Variants in RPS6KA2 observed in about 807,000 individuals in gnomAD.
RPS6KA2 encodes ribosomal protein S6 kinase A2.
A neutral mutation model predicts 91.8 loss-of-function variants in RPS6KA2; 42 were observed. That is an observed-to-expected ratio of 0.46 (90% CI 0.36 to 0.59). RPS6KA2 has a LOEUF of 0.59. Among genes scored for constraint, RPS6KA2 ranks in the 20% least tolerant of loss-of-function variants. The pLI, the probability that RPS6KA2 is intolerant of heterozygous loss-of-function variation, is 0.00. For synonymous variants in RPS6KA2, 414 were observed against 393.6 expected, an observed-to-expected ratio of 1.05 and a Z score of -0.61; for missense variants, 798 against 978.5, an observed-to-expected ratio of 0.82 and a Z score of 2.46.
chr6:166,627,020 C>A lies in RPS6KA2; in HGVS notation c.-1G>T. On this transcript the variant is annotated 5_prime_UTR_variant, in exon 1 of 21. Coordinates refer to ENST00000265678, the MANE Select transcript of RPS6KA2 (RefSeq NM_021135.6). Reference sequence around the variant, plus strand: ...CGAACTTCTTCATGCTCAGGTCCATCGCCCCGCGCCCAGCCCGGAGCAGCC... The same window carrying A: ...CGAACTTCTTCATGCTCAGGTCCATAGCCCCGCGCCCAGCCCGGAGCAGCC... 1 of 1,482,822 alleles carries A rather than the reference C, an allele frequency of 6.7e-7. No homozygotes were observed. Among genetic ancestry groups the A allele is most frequent in the Non-Finnish European group, 9.0e-7 (1 of 1,108,562 alleles). The allele number at this position is 1,482,822 out of a possible 1,614,324, so 91.9% of individuals were successfully genotyped here. A position where few individuals can be genotyped will look rare whatever the true frequency, so the allele number is the denominator to read the frequency against.
chr6:166,748,689 T>C (rs1464967548), intron 2 of RPS6KA2, among the ~76,000 whole-genome samples: 3 of 32,012 alleles, frequency 9.4e-5, no homozygotes, highest in Admixed American at 3.5e-4. Context: ...GTCCCCCATT[T>C]CCTCAGGCCC....
chr6:166,636,817 G>A (rs2128548048), intron 2 of RPS6KA2, among the ~76,000 whole-genome samples: 1 of 152,284 alleles, frequency 6.6e-6, no homozygotes, highest in Non-Finnish European at 1.5e-5. Flanking sequence ...CAGGATTTCA[G>A]GATTGATCAT....
rs751220811 is a variant in RPS6KA2 at position 166,726,719 on chromosome 6, C to T, written c.123+131481G>A. Among the ~76,000 whole-genome samples, 4 of 152,216 alleles carry T rather than the reference C, an allele frequency of 2.6e-5. No individual in the cohort carries two copies. The highest frequency in any genetic ancestry group is 5.9e-5 in the Non-Finnish European group (4 of 68,032). The stretch of plus-strand genomic sequence containing the variant: ...AAAGTGACTCTTACAACTTCAGTTG[C>T]GATACCGGTTTCCATAAGCTTCTGT... On this transcript the variant is annotated intron_variant, in intron 2 of 21. Coordinates refer to the RPS6KA2 transcript ENST00000503859. This position sits in a 1 kb window ranked among gnomAD's most constrained non-coding sequence, Gnocchi z 4.4.
intron 1 of RPS6KA2, among the ~76,000 whole-genome samples, chr6:166,568,361 C>T (rs917089103): frequency 6.6e-6 from 1 of 152,266 alleles, no homozygotes; most frequent in African/African-American, 2.4e-5. Context: ...CGCCTATTAT[C>T]CCAGCACTTT....
chr6:166,763,198 C>T (rs943864212), intron 2 of RPS6KA2, among the ~76,000 whole-genome samples: 1 of 152,166 alleles, frequency 6.6e-6, no homozygotes, highest in African/African-American at 2.4e-5. Context: ...ATGGCATTCG[C>T]TTAGCATGGA....
chr6:166,473,800 T>C (rs1439903262), intron 10 of RPS6KA2, among the ~76,000 whole-genome samples: 2 of 152,214 alleles, frequency 1.3e-5, no homozygotes, highest in African/African-American at 4.8e-5. Flanking sequence ...GTTTCTTACA[T>C]ACTGCAAGCT....
At chr6:166,660,825 C>A (rs1788143418) in intron 2 of RPS6KA2, among the ~76,000 whole-genome samples, 1 of 152,052 alleles carries the variant, frequency 6.6e-6, no homozygotes, top group Admixed American at 6.6e-5. Flanking sequence ...GACTACTCCC[C>A]CATTGATGGA....
intron 2 of RPS6KA2, among the ~76,000 whole-genome samples, chr6:166,637,671 G>A (rs1430864721): frequency 6.6e-6 from 1 of 152,266 alleles, no homozygotes; most frequent in Non-Finnish European, 1.5e-5. Flanking sequence ...TGTGGAAAGT[G>A]ATAGGGTCCT....
rs1242246139 is a variant in RPS6KA2, at chr6:166,639,899, TA to T, written c.124-101116del. 6.6e-6 allele frequency among the ~76,000 whole-genome samples: 1 copy of T among 152,188 alleles called. No homozygotes were observed. Among genetic ancestry groups the T allele is most frequent in the Non-Finnish European group, 1.5e-5 (1 of 68,038 alleles). On this transcript the variant is annotated intron_variant, in intron 2 of 21. Transcript: ENST00000503859. The surrounding 1 kb of genome is among the most constrained non-coding windows in gnomAD (Gnocchi z 4.2). ...GTTCCCCTCTCTCTCCCACCAATGT[TA>T]AACTACTTCAGAGAAGCAAGTGTCC...
intron 2 of RPS6KA2, among the ~76,000 whole-genome samples, chr6:166,708,278 A>G (rs1483723074): frequency 1.3e-5 from 2 of 152,096 alleles, no homozygotes; most frequent in Non-Finnish European, 2.9e-5. Flanking sequence ...TTTTTTTTGC[A>G]TAAAGGAACA....
chr6:166,657,821 C>G (rs571483294), intron 2 of RPS6KA2, among the ~76,000 whole-genome samples: 1 of 152,206 alleles, frequency 6.6e-6, no homozygotes, highest in Admixed American at 6.5e-5. Flanking sequence ...GGACAAGAGG[C>G]CTGAAGACCG....
intron 3 of RPS6KA2, among the ~76,000 whole-genome samples, chr6:166,514,328 G>A (rs1299545983): frequency 2.6e-5 from 4 of 152,236 alleles, no homozygotes; most frequent in African/African-American, 9.6e-5. Context: ...GGTGATGGCA[G>A]CAAGGGGCCA....
intron 2 of RPS6KA2, among the ~76,000 whole-genome samples, chr6:166,653,308 G>A (rs1433808845): frequency 1.3e-5 from 2 of 152,320 alleles, no homozygotes; most frequent in African/African-American, 2.4e-5. Flanking sequence ...TAATCCGCCC[G>A]CCTCAGCCTC....
intron 1 of RPS6KA2, among the ~76,000 whole-genome samples, chr6:166,861,189 G>A (rs996751071): frequency 2.4e-4 from 36 of 152,106 alleles, no homozygotes; most frequent in Non-Finnish European, 5.1e-4. Context: ...ATCTCAAGAC[G>A]TACATATAAG....
At chr6:166,688,596 G>T (rs1164667523) in intron 2 of RPS6KA2, among the ~76,000 whole-genome samples, 1 of 152,204 alleles carries the variant, frequency 6.6e-6, no homozygotes, top group Non-Finnish European at 1.5e-5. Flanking sequence ...CTAGGAGAGG[G>T]GCACACAGTG....
At chr6:166,752,119 T>A (rs1017103692) in intron 2 of RPS6KA2, among the ~76,000 whole-genome samples, 3 of 152,364 alleles carry the variant, frequency 2.0e-5, no homozygotes, top group East Asian at 1.9e-4. Context: ...TTAGATAAAA[T>A]CAATGCTTAT....
chr6:166,762,758 T>A (rs1184355414), intron 2 of RPS6KA2, among the ~76,000 whole-genome samples: 1 of 152,092 alleles, frequency 6.6e-6, no homozygotes, highest in African/African-American at 2.4e-5. Flanking sequence ...CTGCCCCGAC[T>A]TCTGGGAGCC....
At chr6:166,521,236 T>C (rs1008329194) in intron 3 of RPS6KA2, among the ~76,000 whole-genome samples, 3 of 152,194 alleles carry the variant, frequency 2.0e-5, no homozygotes, top group Admixed American at 1.3e-4. Flanking sequence ...ACAGAACCAC[T>C]GTAGGGCCAT....
At chr6:166,722,933 C>T (rs898610915) in intron 2 of RPS6KA2, among the ~76,000 whole-genome samples, 1 of 152,172 alleles carries the variant, frequency 6.6e-6, no homozygotes, top group Non-Finnish European at 1.5e-5. Context: ...TCACAACTCG[C>T]GAGACACCAC....
Sources: allele counts gnomAD v4.1 joint callset (sites outside exome capture counted in the v4.1 genomes callset), GRCh38; gene constraint gnomAD v4.1.1; non-coding constraint Gnocchi (gnomAD v3.1); transcripts MANE v1.5; gene names NCBI Gene and HGNC (gene_info 2026-07-23, HGNC 2026-07-21).